The following MED28 variants were observed in gnomAD, a reference collection of about 807,000 sequenced individuals.
MED28 encodes the protein mediator complex subunit 28.
In MED28, 26 loss-of-function variants were observed where a neutral mutation model predicts 21.3. The ratio of observed to expected loss-of-function variants is 1.22; its 90% CI spans 0.89 to 1.69. MED28 has a LOEUF of 1.69. Ranked by LOEUF, MED28 falls within the 40% of genes most tolerant of loss-of-function variation. MED28 has a pLI of 0.00. For missense variants in MED28, 257 were observed against 215.4 expected (o/e 1.19, Z -1.21); for synonymous variants, 110 against 87.6 (o/e 1.26, Z -1.43).
chr4:17,620,529 C>T lies in MED28; in HGVS notation c.226+562C>T, dbSNP rs531064309. On this transcript the variant is annotated intron_variant, in intron 2 of 3. Transcript: ENST00000237380. ...TATATTTTTAGTAGAGACGGGGTTT[C>T]GCCATGTTGGCCAGGCTGGTGTCGA... 7.2e-5 allele frequency among the ~76,000 whole-genome samples: 11 copies of T among 152,154 alleles called. No homozygotes were observed. In the South Asian group the frequency reaches 2.1e-3, roughly 29 times the overall value.
At chr4:17,620,425 A>G (rs756593678) in intron 2 of MED28, among the ~76,000 whole-genome samples, 2 of 145,886 alleles carry the variant, frequency 1.4e-5, no homozygotes, top group Non-Finnish European at 3.0e-5. Context: ...CCACCACCTC[A>G]TGGGTTCAGG....
intron 1 of MED28, among the ~76,000 whole-genome samples, chr4:17,618,424 T>G (rs934533293): frequency 1.2e-4 from 19 of 152,192 alleles, no homozygotes; most frequent in Non-Finnish European, 1.8e-4. Context: ...TTGGCCAGTT[T>G]GTGACTGGTT....
rs1362408104 is a variant in MED28, at chr4:17,624,954, T to C, written c.*1156T>C. ...TATATCTTATTAGATCACATCCCTT[T>C]ACCCAGAACAAATGCTTCACTGTCT... On this transcript the variant is annotated 3_prime_UTR_variant, in exon 4 of 4. Transcript: ENST00000237380. 1 of 152,158 alleles carries C rather than the reference T, an allele frequency of 6.6e-6. No individual in the cohort carries two copies. The highest frequency in any genetic ancestry group is 1.5e-5 in the Non-Finnish European group (1 of 68,032). 9.4% of individuals were successfully genotyped at this position (152,158 alleles called of 1,614,324 possible).
chr4:17,625,508 A>G lies in MED28; in HGVS notation c.*1710A>G, dbSNP rs1434116625. The G allele has an allele frequency of 3.6e-6, 1 of 277,846 alleles. No individual in the cohort carries two copies. Among genetic ancestry groups the G allele is most frequent in the Non-Finnish European group, 7.1e-6 (1 of 140,744 alleles). The allele number at this position is 277,846 out of a possible 1,614,324, so 17.2% of individuals were successfully genotyped here. A position where few individuals can be genotyped will look rare whatever the true frequency, so the allele number is the denominator to read the frequency against. On this transcript the variant is annotated 3_prime_UTR_variant, in exon 4 of 4. Transcript: ENST00000237380. ...GATTAGGTTTTAGGCGTTCTTTCAA[A>G]GAGGTTCTTGAGAAGATTGAGAACT...
chr4:17,631,212 A>G lies in MED28; in HGVS notation c.*7414A>G, dbSNP rs550624720. The G allele has an allele frequency of 6.8e-6, 1 of 147,698 alleles. No individual in the cohort carries two copies. Among genetic ancestry groups the G allele is most frequent in the Admixed American group, 6.6e-5 (1 of 15,092 alleles). 9.1% of individuals were successfully genotyped at this position (147,698 alleles called of 1,614,324 possible). A position where few individuals can be genotyped will look rare whatever the true frequency, so the allele number is the denominator to read the frequency against. On this transcript the variant is annotated 3_prime_UTR_variant, in exon 4 of 4. Coordinates refer to ENST00000237380, the MANE Select transcript of MED28 (RefSeq NM_025205.5). The stretch of plus-strand genomic sequence containing the variant: ...CAAAGACCAGAGGTTCAGGGGATAT[A>G]TATATATATTTTTTTAATCTGTAGA...
chr4:17,616,605 A>G (rs1714459696), intron 1 of MED28, among the ~76,000 whole-genome samples: 1 of 152,032 alleles, frequency 6.6e-6, no homozygotes, highest in Non-Finnish European at 1.5e-5. Context: ...CACGTGTACC[A>G]TTTGTTTTCT....
chr4:17,620,196 AAAG>A (rs1409306399), intron 2 of MED28: 18 of 537,840 alleles, frequency 3.3e-5, no homozygotes, highest in South Asian at 1.5e-4. Flanking sequence ...CGTACTAGGT[AAAG>A]AAGAAGACCA....
chr4:17,618,825 C>T (rs1399239918), intron 1 of MED28, among the ~76,000 whole-genome samples: 2 of 152,182 alleles, frequency 1.3e-5, no homozygotes, highest in Admixed American at 6.5e-5. Flanking sequence ...CAGGCGTGAG[C>T]CACCGTGCCC....
In MED28 at chr4:17,633,804, G is replaced by A. The variant is rs1487370157; in HGVS notation, c.*10006G>A. ...GGAGGGGCATTAATCCTGGAACTCA[G>A]ATCGCCACTCAGAAAGTTCTTTGCA... On this transcript the variant is annotated 3_prime_UTR_variant, in exon 4 of 4. Transcript: ENST00000237380. 7 of 1,551,628 alleles carry A rather than the reference G, an allele frequency of 4.5e-6. No individual in the cohort carries two copies. The highest frequency in any genetic ancestry group is 6.1e-6 in the Non-Finnish European group (7 of 1,146,966).
In MED28 at chr4:17,631,292, T is replaced by TC. The variant is rs1291188210; in HGVS notation, c.*7496dup. The TC allele has an allele frequency of 6.6e-6, 1 of 152,218 alleles. No individual in the cohort carries two copies. The highest frequency in any genetic ancestry group is 1.5e-5 in the Non-Finnish European group (1 of 68,094). The allele number at this position is 152,218 out of a possible 1,614,324, so 9.4% of individuals were successfully genotyped here. On this transcript the variant is annotated 3_prime_UTR_variant, in exon 4 of 4. Coordinates refer to ENST00000237380, the MANE Select transcript of MED28 (RefSeq NM_025205.5). ...GTCTCGAACTCTTGGGCTCATGCTG[T>TC]CCTACCTCAGACTTCCAAGTAGCTG...
intron 1 of MED28, among the ~76,000 whole-genome samples, chr4:17,615,872 C>T (rs1714436608): frequency 6.6e-6 from 1 of 151,910 alleles, no homozygotes; most frequent in African/African-American, 2.4e-5. Flanking sequence ...TGTATTGTAT[C>T]TAATAGCACA....
At position 17,631,027 on chromosome 4, in the gene MED28, A is replaced by T. The variant is rs1442215259; in HGVS notation, c.*7229A>T. Reference sequence around the variant, plus strand: ...AATATTTTGCCCCCTAAAAGTTGTTATTGAGTCTTGTCAAATCACATTGCT... The same window carrying T: ...AATATTTTGCCCCCTAAAAGTTGTTTTTGAGTCTTGTCAAATCACATTGCT... On this transcript the variant is annotated 3_prime_UTR_variant, in exon 4 of 4. Coordinates refer to ENST00000237380, the MANE Select transcript of MED28 (RefSeq NM_025205.5). 6.6e-6 allele frequency: 1 copy of T among 152,286 alleles called. No individual in the cohort carries two copies. The highest frequency in any genetic ancestry group is 1.5e-5 in the Non-Finnish European group (1 of 68,030). 9.4% of individuals were successfully genotyped at this position (152,286 alleles called of 1,614,324 possible).
rs1714717296 is a variant in MED28 at position 17,624,257 on chromosome 4, T to C, written c.*459T>C. 5.8e-6 allele frequency: 1 copy of C among 171,214 alleles called. No homozygotes were observed. The highest frequency in any genetic ancestry group is 2.4e-5 in the African/African-American group (1 of 41,672). 10.6% of individuals were successfully genotyped at this position (171,214 alleles called of 1,614,324 possible). On this transcript the variant is annotated 3_prime_UTR_variant, in exon 4 of 4. Transcript: ENST00000237380. ...TAGAAAAGTATGTAAATTTGCTCTG[T>C]TTTAAGACTTTGAACTACCTCAAGA...
Position 17,633,129 on chromosome 4 carries a change from C to T in MED28, c.*9331C>T, listed in dbSNP as rs982052346. 6.5e-6 allele frequency: 1 copy of T among 154,792 alleles called. No individual in the cohort carries two copies. Among genetic ancestry groups the T allele is most frequent in the African/African-American group, 2.4e-5 (1 of 41,438 alleles). 9.6% of individuals were successfully genotyped at this position (154,792 alleles called of 1,614,324 possible). A position where few individuals can be genotyped will look rare whatever the true frequency, so the allele number is the denominator to read the frequency against. On this transcript the variant is annotated 3_prime_UTR_variant, in exon 4 of 4. Transcript: ENST00000237380. ...GTAGAGATGGGTTTCACCATGTTGC[C>T]CAGGCTGGTCTCGAACTCCTGACCT...
At chr4:17,616,042 C>T (rs926741341) in intron 1 of MED28, among the ~76,000 whole-genome samples, 10 of 152,208 alleles carry the variant, frequency 6.6e-5, no homozygotes, top group African/African-American at 2.4e-4. Context: ...CTTACTGCAA[C>T]CTCCGCCTCC....
chr4:17,620,207 C>T (rs983431655), intron 2 of MED28: 1 of 514,776 alleles, frequency 1.9e-6, no homozygotes, highest in East Asian at 3.5e-5. Flanking sequence ...AAGAAGAAGA[C>T]CAATAGTGTG....
In MED28 at chr4:17,632,671, A is replaced by T; in HGVS notation, c.*8873A>T. The T allele has an allele frequency of 7.6e-7, 1 of 1,317,722 alleles. No homozygotes were observed. The highest frequency in any genetic ancestry group is 1.1e-6 in the Non-Finnish European group (1 of 940,880). 81.6% of individuals were successfully genotyped at this position (1,317,722 alleles called of 1,614,324 possible). ...TTTTATATGGTTTTGAAAACTATGC[A>T]AGAAGCAGCTTAATACCCACCATCT... is the stretch of plus-strand genomic sequence containing the variant. On this transcript the variant is annotated 3_prime_UTR_variant, in exon 4 of 4. Transcript: ENST00000237380.
intron 1 of MED28, among the ~76,000 whole-genome samples, chr4:17,615,178 C>G (rs1394094969): frequency 1.3e-5 from 2 of 152,202 alleles, no homozygotes; most frequent in Non-Finnish European, 2.9e-5. Context: ...ACTGCTGTAT[C>G]CTGTATCCTT....
Position 17,627,475 on chromosome 4 carries a change from CTG to C in MED28, c.*3679_*3680del, listed in dbSNP as rs36074488. ...TTTCTCCTCCACCCAAATGTCTTAA[CTG>C]TTAACATTCCCAGGTGTTTGGTCCT... On this transcript the variant is annotated 3_prime_UTR_variant, in exon 4 of 4. Transcript: ENST00000237380. 0.067 allele frequency: 10,242 copies of C among 152,338 alleles called. 867 individuals carry two copies. The highest frequency in any genetic ancestry group is 0.2 in the African/African-American group (8,264 of 41,510). The allele number at this position is 152,338 out of a possible 1,614,324, so 9.4% of individuals were successfully genotyped here.
Sources: gnomAD v4.1 joint callset for allele counts (sites outside exome capture counted in the v4.1 genomes callset) on GRCh38, gnomAD v4.1.1 for gene constraint, MANE v1.5 for transcripts, NCBI Gene and HGNC (gene_info 2026-07-23, HGNC 2026-07-21) for gene names.